Variants in GLIS3 observed in about 807,000 individuals in gnomAD.
The protein encoded by GLIS3 is zinc finger protein GLIS3.
Under a neutral mutation model 78.6 loss-of-function variants are expected in GLIS3, and 53 were observed. That is an observed-to-expected ratio of 0.67 (90% CI 0.54 to 0.85). The LOEUF is 0.85. Ranked by LOEUF, GLIS3 falls within the 40% of genes least tolerant of loss-of-function variation. The pLI, the probability that GLIS3 is intolerant of heterozygous loss-of-function variation, is 0.00. For synonymous variants in GLIS3, 684 were observed against 509.9 expected, an observed-to-expected ratio of 1.34 and a Z score of -4.60; for missense variants, 1,703 against 1,231.1, an observed-to-expected ratio of 1.38 and a Z score of -5.74.
intron 6 of GLIS3, among the ~76,000 whole-genome samples, chr9:3,917,614 C>A (rs1428235988): frequency 7.0e-6 from 1 of 142,596 alleles, no homozygotes; most frequent in Admixed American, 6.9e-5. Flanking sequence ...TTTTTTTTTT[C>A]AATGCTCTCT....
At chr9:4,176,919 C>T (rs192172206) in intron 2 of GLIS3, among the ~76,000 whole-genome samples, 21 of 152,346 alleles carry the variant, frequency 1.4e-4, no homozygotes, top group African/African-American at 4.8e-4. Flanking sequence ...CCACCATGCC[C>T]GGCCTCTTTT....
rs1818815424 is a variant in GLIS3 at position 3,842,999 on chromosome 9, A to G, written c.2473+13010T>C. Among the ~76,000 whole-genome samples, 6 of 152,234 alleles carry G rather than the reference A, an allele frequency of 3.9e-5. No individual in the cohort carries two copies. The South Asian group carries it at 1.2e-3, about 32-fold the overall frequency. On this transcript the variant is annotated intron_variant, in intron 9 of 10. Coordinates refer to ENST00000381971, the MANE Select transcript of GLIS3 (RefSeq NM_001042413.2). ...GGGCCTTGAATTACACTCTCAGTAG[A>G]TATGGATCCAGATGACTTGCCTGGC... is the stretch of plus-strand genomic sequence containing the variant.
chr9:4,331,025 A>G (rs922702993), intron 2 of GLIS3, among the ~76,000 whole-genome samples: 2 of 152,216 alleles, frequency 1.3e-5, no homozygotes, highest in Non-Finnish European at 2.9e-5. Context: ...AAACAGGCCC[A>G]TCTTGCCCTG....
intron 8 of GLIS3, chr9:3,875,487 GAA>G (rs1277196570): frequency 5.3e-5 from 8 of 152,158 alleles, no homozygotes; most frequent in African/African-American, 1.9e-4. Context: ...CCGCAAGCAG[GAA>G]AAGATGCCAG....
rs1438418028 is a variant in GLIS3, at chr9:4,236,176, G to C, written c.388+49862C>G. On this transcript the variant is annotated intron_variant, in intron 2 of 10. Coordinates refer to ENST00000381971, the MANE Select transcript of GLIS3 (RefSeq NM_001042413.2). ...GGCCACAGCTAGGAAAACTTGACGT[G>C]GTTGTCACAAAAAAAAAAAAAAAAA... 9.5e-5 allele frequency among the ~76,000 whole-genome samples: 5 copies of C among 52,386 alleles called. No homozygotes were observed. In the Admixed American group the frequency reaches 1.3e-3, roughly 14 times the overall value. 34.4% of individuals were successfully genotyped at this position (52,386 alleles called of 152,430 possible). A position where few individuals can be genotyped will look rare whatever the true frequency, so the allele number is the denominator to read the frequency against.
chr9:4,421,949 G>A, the GLIS3 span, among the ~76,000 whole-genome samples: 1 of 152,180 alleles, frequency 6.6e-6, no homozygotes, highest in Non-Finnish European at 1.5e-5. Context: ...ATCTCTAACT[G>A]AAATTTAGCA....
chr9:4,280,265 C>T (rs756765551), intron 2 of GLIS3, among the ~76,000 whole-genome samples: 7 of 152,232 alleles, frequency 4.6e-5, no homozygotes, highest in Non-Finnish European at 8.8e-5. Flanking sequence ...TCAAGCCATC[C>T]GCCCACCGTG....
At chr9:4,392,846 T>C in the GLIS3 span, among the ~76,000 whole-genome samples, 1 of 152,084 alleles carries the variant, frequency 6.6e-6, no homozygotes, top group Non-Finnish European at 1.5e-5. Context: ...ACATTACACA[T>C]AGATGCCCTT....
intron 4 of GLIS3, among the ~76,000 whole-genome samples, chr9:4,306,868 T>C (rs1817239210): frequency 6.6e-6 from 1 of 152,152 alleles, no homozygotes; most frequent in African/African-American, 2.4e-5. Flanking sequence ...AAGTAGAGAG[T>C]CCTTAGATTC....
At chr9:3,923,471 G>A (rs1044830272) in intron 6 of GLIS3, among the ~76,000 whole-genome samples, 1 of 152,110 alleles carries the variant, frequency 6.6e-6, no homozygotes, top group African/African-American at 2.4e-5. Flanking sequence ...AAAAATTGTG[G>A]GAAACTAGAG....
chr9:3,871,318 T>C (rs1475558770), intron 8 of GLIS3, among the ~76,000 whole-genome samples: 1 of 152,146 alleles, frequency 6.6e-6, no homozygotes, highest in Non-Finnish European at 1.5e-5. Context: ...GGATCTACCA[T>C]TCTGGGGTCT....
intron 2 of GLIS3, among the ~76,000 whole-genome samples, chr9:4,316,421 G>A (rs1041045367): frequency 6.6e-6 from 1 of 152,200 alleles, no homozygotes; most frequent in Non-Finnish European, 1.5e-5. Context: ...GCTAGGGACA[G>A]AGTAGTACAG....
the GLIS3 span, among the ~76,000 whole-genome samples, chr9:4,440,293 A>G: frequency 6.6e-6 from 1 of 152,182 alleles, no homozygotes; most frequent in Admixed American, 6.5e-5. Context: ...GCATTTCTCC[A>G]ATGTTTTCTT....
intron 6 of GLIS3, among the ~76,000 whole-genome samples, chr9:3,901,411 A>G (rs1823291852): frequency 6.6e-6 from 1 of 152,234 alleles, no homozygotes; most frequent in Non-Finnish European, 1.5e-5. Flanking sequence ...TGATAGCTTG[A>G]AATCGGTCAT....
intron 1 of GLIS3, among the ~76,000 whole-genome samples, chr9:4,347,923 A>C (rs12341101): frequency 0.039 from 5,877 of 152,266 alleles, 386 homozygotes; most frequent in African/African-American, 0.13. Flanking sequence ...CCACACATTT[A>C]GGATATGTGT....
intron 2 of GLIS3, among the ~76,000 whole-genome samples, chr9:4,328,414 G>A (rs1036081519): frequency 1.3e-5 from 2 of 152,174 alleles, no homozygotes; most frequent in Non-Finnish European, 2.9e-5. Flanking sequence ...AAAACAGGGA[G>A]CACTAAGTGG....
At chr9:4,391,705 C>T in the GLIS3 span, among the ~76,000 whole-genome samples, 1 of 152,154 alleles carries the variant, frequency 6.6e-6, no homozygotes, top group Non-Finnish European at 1.5e-5. Flanking sequence ...GAGGTTTGTA[C>T]TGTCAATAGG....
rs190788014 is a variant in GLIS3 at position 3,888,059 on chromosome 9, G to A, written c.2129-8464C>T. On this transcript the variant is annotated intron_variant, in intron 7 of 10. Coordinates refer to ENST00000381971, the MANE Select transcript of GLIS3 (RefSeq NM_001042413.2). The stretch of plus-strand genomic sequence containing the variant: ...ACAAGCAAACTATTCAGACTACCCT[G>A]TGGGAAATCTGTCATTTCCTCCTGG... 3.9e-5 allele frequency among the ~76,000 whole-genome samples: 6 copies of A among 152,256 alleles called. No individual in the cohort carries two copies. The East Asian group carries it at 1.2e-3, about 29-fold the overall frequency.
intron 6 of GLIS3, among the ~76,000 whole-genome samples, chr9:3,899,902 G>A (rs569567639): frequency 3.3e-5 from 5 of 152,274 alleles, no homozygotes; most frequent in African/African-American, 7.2e-5. Flanking sequence ...GCGGAGAAGC[G>A]AGACAGTGAG....
Sources: gnomAD v4.1 joint callset for allele counts (sites outside exome capture counted in the v4.1 genomes callset) on GRCh38, gnomAD v4.1.1 for gene constraint, MANE v1.5 for transcripts, NCBI Gene and HGNC (gene_info 2026-07-23, HGNC 2026-07-21) for gene names.